The following TNR variants were observed in gnomAD, a reference collection of about 807,000 sequenced individuals.
TNR encodes the protein tenascin-R.
In TNR, 45 loss-of-function variants were observed where a neutral mutation model predicts 150.4. That is an observed-to-expected ratio of 0.30 (90% CI 0.24 to 0.38). The LOEUF (loss-of-function observed/expected upper bound fraction) is 0.38. Ranked by LOEUF, TNR falls within the 10% of genes least tolerant of loss-of-function variation. The pLI, the probability that TNR is intolerant of heterozygous loss-of-function variation, is 1.00. For missense variants in TNR, 1,544 were observed against 1,759.1 expected, an observed-to-expected ratio of 0.88 and a Z score of 2.19; for synonymous variants, 687 against 678.4, an observed-to-expected ratio of 1.01 and a Z score of -0.20.
intron 2 of TNR, among the ~76,000 whole-genome samples, chr1:175,458,448 C>T (rs1243306433): frequency 1.3e-5 from 2 of 152,122 alleles, no homozygotes; most frequent in African/African-American, 2.4e-5. Flanking sequence ...TATACACAAG[C>T]TAAAATAAAT....
intron 1 of TNR, among the ~76,000 whole-genome samples, chr1:175,609,631 G>C (rs907509953): frequency 1.3e-5 from 2 of 152,214 alleles, no homozygotes; most frequent in Non-Finnish European, 2.9e-5. Flanking sequence ...TGCAGGGCTA[G>C]AGACAAGCTG....
At chr1:175,537,990 G>A (rs960716408) in intron 1 of TNR, among the ~76,000 whole-genome samples, 3 of 152,158 alleles carry the variant, frequency 2.0e-5, no homozygotes, top group Non-Finnish European at 2.9e-5. Context: ...TCTTTTTTGG[G>A]TGAAACTCTC....
At position 175,379,640 on chromosome 1, in the gene TNR, C is replaced by T. The variant is rs746599942; in HGVS notation, c.1875G>A (p.Lys625=). ...CACCCGCCAGGGTGCTGTACACAACCTTGTACTCCTGAACTTCGGCTTCAC... is the reference window on the plus strand; with the variant it reads ...CACCCGCCAGGGTGCTGTACACAACTTTGTACTCCTGAACTTCGGCTTCAC... The part of the protein sequence containing the change: ...DNSEAEVQEY[K]VVYSTLAGEQ... Residue 625 remains lysine, a synonymous_variant, in exon 9 of 23, where the codon AAG becomes AAA. Coordinates refer to ENST00000367674, the MANE Select transcript of TNR (RefSeq NM_003285.3). 1.2e-6 allele frequency: 2 copies of T among 1,614,084 alleles called. No homozygotes were observed. The highest frequency in any genetic ancestry group is 2.7e-5 in the African/African-American group (2 of 74,932).
At chr1:175,679,606 AGGAGGGATT>A (rs994577325) in intron 1 of TNR, among the ~76,000 whole-genome samples, 5 of 152,340 alleles carry the variant, frequency 3.3e-5, no homozygotes, top group African/African-American at 1.2e-4. Flanking sequence ...TACTGAGGAA[AGGAGGGATT>A]GGAGGGAGGC....
chr1:175,480,724 C>T (rs760584894), intron 2 of TNR, among the ~76,000 whole-genome samples: 20 of 152,260 alleles, frequency 1.3e-4, no homozygotes, highest in Middle Eastern at 3.4e-3. Flanking sequence ...ATGAGAGAGG[C>T]CAGATTTGAA....
At chr1:175,465,471 G>T (rs868457062) in intron 2 of TNR, among the ~76,000 whole-genome samples, 5 of 152,172 alleles carry the variant, frequency 3.3e-5, no homozygotes, top group Non-Finnish European at 7.4e-5. Flanking sequence ...GTCCTTATGG[G>T]ATTTTTTTAT....
In TNR at chr1:175,369,283, T is replaced by A. The variant is rs2236883; in HGVS notation, c.1964-1986A>T. Among the ~76,000 whole-genome samples, 7 of 152,030 alleles carry A rather than the reference T, an allele frequency of 4.6e-5. No homozygotes were observed. The East Asian group carries it at 1.4e-3, about 29-fold the overall frequency. ...AAAACAGACATGTGTCCTCCCACGGTTCTGAAGTCTGGAAGTCCGAAATCA... is the reference window on the plus strand; with the variant it reads ...AAAACAGACATGTGTCCTCCCACGGATCTGAAGTCTGGAAGTCCGAAATCA... On this transcript the variant is annotated intron_variant, in intron 9 of 22. Transcript: ENST00000367674.
At chr1:175,652,288 A>G (rs1262019747) in intron 1 of TNR, among the ~76,000 whole-genome samples, 1 of 151,670 alleles carries the variant, frequency 6.6e-6, no homozygotes, top group African/African-American at 2.4e-5. Flanking sequence ...AAGGGGCACA[A>G]ATGACAAGGT....
chr1:175,716,783 G>T (rs536047445), intron 1 of TNR, among the ~76,000 whole-genome samples: 1 of 152,312 alleles, frequency 6.6e-6, no homozygotes, highest in South Asian at 2.1e-4. Flanking sequence ...ACTCTAATAC[G>T]TAGCCAGGTG....
intron 18 of TNR, among the ~76,000 whole-genome samples, chr1:175,342,442 G>A (rs1650567148): frequency 6.6e-6 from 1 of 152,222 alleles, no homozygotes. Context: ...GCAAGAATTG[G>A]GTGGGATGGA....
chr1:175,513,256 TCTC>T (rs1329180929), intron 2 of TNR, among the ~76,000 whole-genome samples: 1 of 152,214 alleles, frequency 6.6e-6, no homozygotes, highest in Non-Finnish European at 1.5e-5. Flanking sequence ...TGTTGATTCA[TCTC>T]CTGATGTTTC....
intron 2 of TNR, among the ~76,000 whole-genome samples, chr1:175,458,779 T>C (rs1252765778): frequency 4.6e-5 from 7 of 152,156 alleles, no homozygotes; most frequent in African/African-American, 7.2e-5. Flanking sequence ...TAAAAAGAGG[T>C]GTCCTATTCC....
intron 2 of TNR, among the ~76,000 whole-genome samples, chr1:175,452,420 G>A (rs1056285086): frequency 1.3e-5 from 2 of 152,242 alleles, no homozygotes; most frequent in Non-Finnish European, 2.9e-5. Context: ...GGGCACAGGG[G>A]GCTGCTGCAA....
chr1:175,499,228 A>C (rs1347571042), intron 2 of TNR, among the ~76,000 whole-genome samples: 1 of 152,352 alleles, frequency 6.6e-6, no homozygotes, highest in African/African-American at 2.4e-5. Flanking sequence ...ACATGACATC[A>C]TCTTCTTCTC....
chr1:175,533,057 A>T (rs1350991526), intron 1 of TNR, among the ~76,000 whole-genome samples: 3 of 152,212 alleles, frequency 2.0e-5, no homozygotes, highest in Non-Finnish European at 4.4e-5. Context: ...TAGTTGCCAC[A>T]AATGCTTTGC....
chr1:175,592,385 G>C (rs552864567), intron 1 of TNR, among the ~76,000 whole-genome samples: 7 of 152,344 alleles, frequency 4.6e-5, no homozygotes, highest in Non-Finnish European at 1.0e-4. Context: ...ACATATCTCA[G>C]GTTTGGCAAT....
chr1:175,318,090 G>A lies in TNR; in HGVS notation c.*5267C>T, dbSNP rs929616407. 6.6e-6 allele frequency: 1 copy of A among 152,274 alleles called. No homozygotes were observed. Among genetic ancestry groups the A allele is most frequent in the Admixed American group, 6.5e-5 (1 of 15,290 alleles). 9.4% of individuals were successfully genotyped at this position (152,274 alleles called of 1,614,324 possible). A position where few individuals can be genotyped will look rare whatever the true frequency, so the allele number is the denominator to read the frequency against. Reference sequence around the variant, plus strand: ...GTCAGATCCAGGCAGAACTGGTTGAGCAAAGAAAGAAAGTCCTTCTGCTTC... The same window carrying A: ...GTCAGATCCAGGCAGAACTGGTTGAACAAAGAAAGAAAGTCCTTCTGCTTC... On this transcript the variant is annotated 3_prime_UTR_variant, in exon 23 of 23. Transcript: ENST00000367674.
At chr1:175,359,477 G>A in intron 15 of TNR, 135 bp downstream of exon 15, 4 of 1,389,028 alleles carry the variant, frequency 2.9e-6, no homozygotes, top group Non-Finnish European at 4.0e-6. Context: ...GGGCTTCATA[G>A]TATACCTGAA....
At position 175,379,477 on chromosome 1, in the gene TNR, G is replaced by A. The variant is rs1177863640; in HGVS notation, c.1963+75C>T. On this transcript the variant is annotated intron_variant, in intron 9 of 22. Transcript: ENST00000367674. ...GGAATTGGCCATGGGTTTGTAAGAT[G>A]TGTAGGTTGGGGAGACAGCTGTGAG... 7 of 1,382,254 alleles carry A rather than the reference G, an allele frequency of 5.1e-6. No homozygotes were observed. In the Admixed American group the frequency reaches 9.6e-5, roughly 19 times the overall value. The allele number at this position is 1,382,254 out of a possible 1,614,324, so 85.6% of individuals were successfully genotyped here. A position where few individuals can be genotyped will look rare whatever the true frequency, so the allele number is the denominator to read the frequency against.
Sources: gnomAD v4.1 joint callset for allele counts (sites outside exome capture counted in the v4.1 genomes callset) on GRCh38, gnomAD v4.1.1 for gene constraint, MANE v1.5 for transcripts, NCBI Gene and HGNC (gene_info 2026-07-23, HGNC 2026-07-21) for gene names.